Variants in ITK observed in about 807,000 individuals in gnomAD.
ITK encodes the protein tyrosine-protein kinase ITK/TSK.
Under a neutral mutation model 87.6 loss-of-function variants are expected in ITK, and 45 were observed. The ratio of observed to expected loss-of-function variants is 0.51; its 90% CI spans 0.40 to 0.66. The LOEUF (loss-of-function observed/expected upper bound fraction) is 0.66. Ranked by LOEUF, ITK falls within the 30% of genes least tolerant of loss-of-function variation. ITK has a pLI of 0.00. For missense variants in ITK, 605 were observed against 766.3 expected (o/e 0.79, Z 2.48); for synonymous variants, 303 against 273.6 (o/e 1.11, Z -1.06).
chr5:157,201,000 T>C (rs1014458101), intron 1 of ITK, among the ~76,000 whole-genome samples: 1 of 152,218 alleles, frequency 6.6e-6, no homozygotes, highest in Admixed American at 6.5e-5. Flanking sequence ...ATTTTTTTAA[T>C]ATACTACAAC....
At chr5:157,251,928 T>C (rs1164335132) in intron 16 of ITK, among the ~76,000 whole-genome samples, 3 of 152,244 alleles carry the variant, frequency 2.0e-5, no homozygotes, top group Admixed American at 1.3e-4. Flanking sequence ...GTCAGTCTTC[T>C]AGCTTTGTTG....
chr5:157,238,707 A>G (rs1259658491), intron 9 of ITK, among the ~76,000 whole-genome samples: 5 of 152,150 alleles, frequency 3.3e-5, no homozygotes, highest in South Asian at 2.1e-4. Flanking sequence ...GTGCCTCCCT[A>G]TGGCCGTGGG....
intron 2 of ITK, among the ~76,000 whole-genome samples, chr5:157,210,591 T>C (rs1165441039): frequency 2.0e-5 from 3 of 151,506 alleles, no homozygotes; most frequent in Non-Finnish European, 4.4e-5. Context: ...ATGTGCACAT[T>C]GTGCAGGTTA....
At chr5:157,188,964 G>A (rs1302046687) in intron 1 of ITK, among the ~76,000 whole-genome samples, 1 of 152,150 alleles carries the variant, frequency 6.6e-6, no homozygotes, top group Non-Finnish European at 1.5e-5. Flanking sequence ...ATCTAAAACA[G>A]TTCTGGGCAC....
chr5:157,247,951 T>C (rs1755055709), intron 15 of ITK, among the ~76,000 whole-genome samples: 1 of 152,226 alleles, frequency 6.6e-6, no homozygotes, highest in Admixed American at 6.5e-5. Flanking sequence ...CTAAAAATTA[T>C]GGTGTCTTGG....
intron 15 of ITK, among the ~76,000 whole-genome samples, chr5:157,246,355 G>A (rs1755020221): frequency 6.6e-6 from 1 of 152,174 alleles, no homozygotes; most frequent in Admixed American, 6.5e-5. Flanking sequence ...CTCTCAATAA[G>A]TATTAATATT....
intron 10 of ITK, chr5:157,240,432 A>T: frequency 1.7e-6 from 1 of 577,706 alleles, no homozygotes; most frequent in East Asian, 3.0e-5. Flanking sequence ...CCCCTGCCAC[A>T]TCCCTCCATG....
At chr5:157,206,494 C>G (rs35457848) in intron 1 of ITK, among the ~76,000 whole-genome samples, 2 of 152,004 alleles carry the variant, frequency 1.3e-5, no homozygotes, top group East Asian at 3.9e-4. Context: ...TGGTAGAATT[C>G]GGCTGTGAAT....
At chr5:157,203,335 T>A (rs1754012916) in intron 1 of ITK, among the ~76,000 whole-genome samples, 1 of 152,242 alleles carries the variant, frequency 6.6e-6, no homozygotes, top group Non-Finnish European at 1.5e-5. Flanking sequence ...TTAAGATTGT[T>A]TAAACTGTGT....
At chr5:157,217,971 A>C in intron 5 of ITK, 64 bp downstream of exon 5, 2 of 1,359,916 alleles carry the variant, frequency 1.5e-6, no homozygotes, top group Non-Finnish European at 2.1e-6. Context: ...GCATGTTCCT[A>C]TTTGCATGTC....
intron 8 of ITK, 62 bp downstream of exon 8, chr5:157,232,456 T>C (rs78796115): frequency 0.022 from 26,233 of 1,184,090 alleles, 408 homozygotes; most frequent in Non-Finnish European, 0.028. Context: ...CTGTCTCATG[T>C]CTGGAATCCC....
At chr5:157,242,322 TGGA>T (rs1249617470) in intron 11 of ITK, among the ~76,000 whole-genome samples, 1 of 152,202 alleles carries the variant, frequency 6.6e-6, no homozygotes, top group African/African-American at 2.4e-5. Flanking sequence ...GTGCTGCCTG[TGGA>T]GAAGGCTGGT....
chr5:157,189,978 A>G (rs187022972), intron 1 of ITK, among the ~76,000 whole-genome samples: 3 of 152,332 alleles, frequency 2.0e-5, no homozygotes, highest in Non-Finnish European at 2.9e-5. Context: ...TGACACTCAG[A>G]GGCCTCACTA....
Position 157,205,712 on chromosome 5 carries a change from G to A in ITK, c.139-3177G>A, listed in dbSNP as rs189078409. Among the ~76,000 whole-genome samples, 186 of 152,150 alleles carry A rather than the reference G, an allele frequency of 1.2e-3. 1 individual carries two copies. Among genetic ancestry groups the A allele is most frequent in the East Asian group, 0.012 (61 of 5,184 alleles). Reference sequence around the variant, plus strand: ...TTCAAGGGGAACGCCTTCAGCTTTCGCCCATTCAGTATGATGTTGGCTGTA... The same window carrying A: ...TTCAAGGGGAACGCCTTCAGCTTTCACCCATTCAGTATGATGTTGGCTGTA... On this transcript the variant is annotated intron_variant, in intron 1 of 16. Coordinates refer to ENST00000422843, the MANE Select transcript of ITK (RefSeq NM_005546.4).
chr5:157,240,294 C>T lies in ITK; in HGVS notation c.985+99C>T, dbSNP rs974690974. 20 of 1,141,922 alleles carry T rather than the reference C, an allele frequency of 1.8e-5. 1 individual carries two copies. The highest frequency in any genetic ancestry group is 6.9e-5 in the Admixed American group (4 of 57,990). 70.7% of individuals were successfully genotyped at this position (1,141,922 alleles called of 1,614,324 possible). ...TGAGCTCTGCCTTCTGTCAGATCAG[C>T]GTCATTAGATTCTCATAAGAGTGCA... On this transcript the variant is annotated intron_variant, in intron 10 of 16. Transcript: ENST00000422843.
At chr5:157,186,890 C>A (rs1753656121) in intron 1 of ITK, among the ~76,000 whole-genome samples, 1 of 152,236 alleles carries the variant, frequency 6.6e-6, no homozygotes, top group Non-Finnish European at 1.5e-5. Context: ...CCAGCACCAG[C>A]TTTTCACATG....
chr5:157,192,962 T>C (rs895089097), intron 1 of ITK, among the ~76,000 whole-genome samples: 5 of 152,198 alleles, frequency 3.3e-5, no homozygotes, highest in African/African-American at 9.6e-5. Flanking sequence ...ACATTTGTAA[T>C]ACCAACACTT....
chr5:157,206,178 C>A (rs1360508475), intron 1 of ITK, among the ~76,000 whole-genome samples: 2 of 151,900 alleles, frequency 1.3e-5, no homozygotes, highest in African/African-American at 4.8e-5. Flanking sequence ...TGGTCTCGAA[C>A]CCCTGGGCTC....
Position 157,238,098 on chromosome 5 carries a change from A to G in ITK, c.769-11A>G. On this transcript the variant is annotated splice_polypyrimidine_tract_variant and intron_variant, in intron 8 of 16. Transcript: ENST00000422843. ...AGATCACTAACTTTCCATTCTTTCT[A>G]ACCATTCCAGGGCAAAGAAGGAGCC... is the stretch of plus-strand genomic sequence containing the variant. 1 of 1,604,784 alleles carries G rather than the reference A, an allele frequency of 6.2e-7. No individual in the cohort carries two copies. Among genetic ancestry groups the G allele is most frequent in the Non-Finnish European group, 8.5e-7 (1 of 1,171,566 alleles).
Sources: allele counts gnomAD v4.1 joint callset (sites outside exome capture counted in the v4.1 genomes callset), GRCh38; gene constraint gnomAD v4.1.1; transcripts MANE v1.5; gene names NCBI Gene and HGNC (gene_info 2026-07-23, HGNC 2026-07-21).